The following ATXN7L1 variants were observed in gnomAD, a reference collection of about 807,000 sequenced individuals.
The protein encoded by ATXN7L1 is ataxin 7 like 1, also known as ataxin-7-like protein 1.
In ATXN7L1, 15 loss-of-function variants were observed where a neutral mutation model predicts 70.8. That is an observed-to-expected ratio of 0.21 (90% confidence interval 0.14 to 0.33). The LOEUF (loss-of-function observed/expected upper bound fraction) is 0.33. Among genes scored for constraint, ATXN7L1 ranks in the 10% least tolerant of loss-of-function variants. The probability of loss-of-function intolerance (pLI) is 1.00; values close to 1 mark genes in which losing one functional copy is unlikely to be tolerated. For missense variants in ATXN7L1, 975 were observed against 1,097.1 expected (o/e 0.89, Z 1.57); for synonymous variants, 440 against 445.1 (o/e 0.99, Z 0.14).
rs58217531 is a variant in ATXN7L1, at chr7:105,716,665, G to GCACACACACA, written c.356-51387_356-51378dup. Among the ~76,000 whole-genome samples, 111 of 125,600 alleles carry GCACACACACA rather than the reference G, an allele frequency of 8.8e-4. 1 individual carries two copies. Among genetic ancestry groups the GCACACACACA allele is most frequent in the East Asian group, 5.3e-3 (23 of 4,372 alleles). 82.4% of individuals were successfully genotyped at this position (125,600 alleles called of 152,430 possible). On this transcript the variant is annotated intron_variant, in intron 3 of 11. Transcript: ENST00000419735. ...GGCAACATGGCGAAAACCTATCTCT[G>GCACACACACA]CACACACACACACACACACACACAC...
At position 105,696,432 on chromosome 7, in the gene ATXN7L1, C is replaced by A. The variant is rs1434894229; in HGVS notation, c.356-31144G>T. ...ACATAAAGTGAGGAGAATATTTCCA[C>A]GTAACATGTGACTTCTTTGATCATA... On this transcript the variant is annotated intron_variant, in intron 3 of 11. Transcript: ENST00000419735. Among the ~76,000 whole-genome samples the A allele has an allele frequency of 4.6e-5, 7 of 152,152 alleles. No homozygotes were observed. In the East Asian group the frequency reaches 1.3e-3, roughly 29 times the overall value.
At chr7:105,660,478 G>A (rs1386599229) in intron 4 of ATXN7L1, among the ~76,000 whole-genome samples, 1 of 148,956 alleles carries the variant, frequency 6.7e-6, no homozygotes, top group Non-Finnish European at 1.5e-5. Context: ...TTTTTTTGGT[G>A]GTAAAATAGA....
At chr7:105,669,540 T>C (rs1173803553) in intron 3 of ATXN7L1, among the ~76,000 whole-genome samples, 3 of 152,180 alleles carry the variant, frequency 2.0e-5, no homozygotes, top group Non-Finnish European at 2.9e-5. Flanking sequence ...GTCCTACTTG[T>C]GAAACTGAAT....
chr7:105,728,356 G>A (rs1308574316), intron 3 of ATXN7L1, among the ~76,000 whole-genome samples: 1 of 152,132 alleles, frequency 6.6e-6, no homozygotes, highest in African/African-American at 2.4e-5. Context: ...TATTGGAACT[G>A]AACAATTAAG....
chr7:105,802,294 G>A (rs191185173), intron 2 of ATXN7L1, among the ~76,000 whole-genome samples: 34 of 152,176 alleles, frequency 2.2e-4, no homozygotes, highest in African/African-American at 7.2e-4. Context: ...TGTGGACGGC[G>A]CAGAGGTCCG....
chr7:105,774,554 T>C (rs949250255), intron 3 of ATXN7L1, among the ~76,000 whole-genome samples: 4 of 152,068 alleles, frequency 2.6e-5, no homozygotes, highest in Admixed American at 6.5e-5. Flanking sequence ...GGTTTTGCCA[T>C]GTTGGCCAGG....
At chr7:105,832,891 C>T (rs1341426893) in intron 2 of ATXN7L1, among the ~76,000 whole-genome samples, 1 of 152,164 alleles carries the variant, frequency 6.6e-6, no homozygotes, top group Non-Finnish European at 1.5e-5. Flanking sequence ...CCAGCTCTAC[C>T]TTCACAGCTG....
intron 3 of ATXN7L1, among the ~76,000 whole-genome samples, chr7:105,684,634 G>T (rs1038058720): frequency 1.3e-5 from 2 of 152,202 alleles, no homozygotes; most frequent in Admixed American, 6.5e-5. Flanking sequence ...AGTCTGTTGA[G>T]ATCTTTTTGG....
chr7:105,820,084 C>T, intron 2 of ATXN7L1: 1 of 360,128 alleles, frequency 2.8e-6, no homozygotes, highest in Admixed American at 3.9e-5. Flanking sequence ...TCTCAAGACC[C>T]ATGGACTCCT....
At chr7:105,846,736 A>G (rs562469927) in intron 2 of ATXN7L1, among the ~76,000 whole-genome samples, 15 of 152,344 alleles carry the variant, frequency 9.8e-5, no homozygotes, top group African/African-American at 3.6e-4. Flanking sequence ...AAATGAATAG[A>G]CAGAATGTAG....
rs373330452 is a variant in ATXN7L1 at position 105,761,511 on chromosome 7, T to C, written c.355+27093A>G. ...TGGCATTTGCTGAATGGTATCAACA[T>C]GGCTCCTTTGGAAATTATATTTGTA... is the stretch of plus-strand genomic sequence containing the variant. On this transcript the variant is annotated intron_variant, in intron 3 of 11. Coordinates refer to ENST00000419735, the MANE Select transcript of ATXN7L1 (RefSeq NM_020725.2). 12 of 1,600,868 alleles carry C rather than the reference T, an allele frequency of 7.5e-6. No individual in the cohort carries two copies. The African/African-American group carries it at 1.3e-4, about 18-fold the overall frequency.
intron 2 of ATXN7L1, among the ~76,000 whole-genome samples, chr7:105,854,331 G>A (rs1307719112): frequency 1.3e-5 from 2 of 152,128 alleles, no homozygotes; most frequent in East Asian, 3.9e-4. Flanking sequence ...GAAACAGGAA[G>A]TGGGCCTTTC....
At chr7:105,839,231 GAA>G (rs76808872) in intron 2 of ATXN7L1, among the ~76,000 whole-genome samples, 2 of 140,978 alleles carry the variant, frequency 1.4e-5, no homozygotes, top group African/African-American at 2.6e-5. Context: ...GCTGCTGCAT[GAA>G]AAAAAAAAAA....
intron 2 of ATXN7L1, among the ~76,000 whole-genome samples, chr7:105,808,209 G>A (rs1018695448): frequency 6.6e-6 from 1 of 152,204 alleles, no homozygotes; most frequent in East Asian, 1.9e-4. Context: ...AGGTGACAGT[G>A]GCATGCTTTT....
chr7:105,817,585 C>G (rs867408104), intron 2 of ATXN7L1, among the ~76,000 whole-genome samples: 1 of 152,046 alleles, frequency 6.6e-6, no homozygotes, highest in African/African-American at 2.4e-5. Context: ...TTCCCTACCC[C>G]CAAGAAACAG....
At chr7:105,657,800 G>A (rs1800920694) in intron 4 of ATXN7L1, among the ~76,000 whole-genome samples, 1 of 148,200 alleles carries the variant, frequency 6.7e-6, no homozygotes, top group Non-Finnish European at 1.5e-5. Flanking sequence ...AGCTGAGTTT[G>A]TTGAAATTTA....
chr7:105,839,796 A>T (rs997032718), intron 2 of ATXN7L1, among the ~76,000 whole-genome samples: 13 of 152,236 alleles, frequency 8.5e-5, no homozygotes, highest in Admixed American at 8.5e-4. Flanking sequence ...AGAGGAATAT[A>T]AATGAGACAT....
chr7:105,703,969 T>G (rs551405731), intron 3 of ATXN7L1, among the ~76,000 whole-genome samples: 28 of 152,236 alleles, frequency 1.8e-4, no homozygotes, highest in Non-Finnish European at 3.2e-4. Context: ...GAATTCAGTC[T>G]CATACCCACA....
At chr7:105,623,286 G>A (rs1439366057) in intron 8 of ATXN7L1, among the ~76,000 whole-genome samples, 1 of 152,148 alleles carries the variant, frequency 6.6e-6, no homozygotes, top group Non-Finnish European at 1.5e-5. Context: ...ACTCAGGCTG[G>A]CACCAGAGTA....
Sources: gnomAD v4.1 joint callset for allele counts (sites outside exome capture counted in the v4.1 genomes callset) on GRCh38, gnomAD v4.1.1 for gene constraint, MANE v1.5 for transcripts, NCBI Gene and HGNC (gene_info 2026-07-23, HGNC 2026-07-21) for gene names.